LRRTM4: variants seen among roughly 807,000 people sequenced by gnomAD.
LRRTM4 encodes leucine-rich repeat transmembrane neuronal protein 4.
In LRRTM4, 25 loss-of-function variants were observed where a neutral mutation model predicts 47.6. The ratio of observed to expected loss-of-function variants is 0.53; its 90% CI spans 0.38 to 0.73. LRRTM4 has a LOEUF of 0.73. LRRTM4 is among the 30% of genes least tolerant of loss of function. The pLI, the probability that LRRTM4 is intolerant of heterozygous loss-of-function variation, is 0.00. For missense variants in LRRTM4, 638 were observed against 713.4 expected, an observed-to-expected ratio of 0.89 and a Z score of 1.20; for synonymous variants, 311 against 269.5, an observed-to-expected ratio of 1.15 and a Z score of -1.51.
intron 3 of LRRTM4, among the ~76,000 whole-genome samples, chr2:76,751,344 CTT>C (rs899212329): frequency 6.6e-6 from 1 of 151,024 alleles, no homozygotes; most frequent in African/African-American, 2.4e-5. Flanking sequence ...TTCAGGAAGT[CTT>C]TTACAAAATA....
chr2:77,307,383 T>C (rs1297200203), intron 3 of LRRTM4, among the ~76,000 whole-genome samples: 1 of 151,264 alleles, frequency 6.6e-6, no homozygotes, highest in Non-Finnish European at 1.5e-5. Context: ...CACACATTCA[T>C]TAAGAAACAT....
At chr2:76,863,173 A>C (rs1012438790) in intron 3 of LRRTM4, among the ~76,000 whole-genome samples, 1 of 152,140 alleles carries the variant, frequency 6.6e-6, no homozygotes, top group Non-Finnish European at 1.5e-5. Flanking sequence ...AATTTTACGG[A>C]GAGAGAAAAA....
Position 77,227,920 on chromosome 2 carries a change from A to G in LRRTM4, c.1551+290398T>C, listed in dbSNP as rs369204561. On this transcript the variant is annotated intron_variant, in intron 3 of 3. Transcript: ENST00000409884. The stretch of plus-strand genomic sequence containing the variant: ...ATTTTTTCTTACAAAATGAGATATC[A>G]TAAGACTAGTTTGTTCCTTCTTACT... Among the ~76,000 whole-genome samples the G allele has an allele frequency of 3.3e-5, 5 of 152,200 alleles. No homozygotes were observed. The South Asian group carries it at 8.3e-4, about 25-fold the overall frequency.
In LRRTM4 at chr2:77,181,535, T is replaced by C. The variant is rs140729854; in HGVS notation, c.1551+336783A>G. 1.9e-3 allele frequency among the ~76,000 whole-genome samples: 284 copies of C among 152,106 alleles called. 2 individuals are homozygous for C. The highest frequency in any genetic ancestry group is 2.5e-3 in the Non-Finnish European group (169 of 67,972). ...TCCTGCCAATACAACAAAAAAGGAA[T>C]ACAAGATTTTAGGTATAAAAGTAAA... On this transcript the variant is annotated intron_variant, in intron 3 of 3. Coordinates refer to ENST00000409884, the MANE Select transcript of LRRTM4 (RefSeq NM_001134745.3).
chr2:77,264,404 TC>T (rs1482156096), intron 3 of LRRTM4, among the ~76,000 whole-genome samples: 1 of 152,074 alleles, frequency 6.6e-6, no homozygotes, highest in Non-Finnish European at 1.5e-5. Flanking sequence ...AATTACCCTA[TC>T]AGATCCATAC....
intron 3 of LRRTM4, among the ~76,000 whole-genome samples, chr2:76,939,063 G>C (rs571425712): frequency 2.0e-5 from 3 of 152,044 alleles, no homozygotes; most frequent in East Asian, 3.9e-4. Context: ...CTACTTTCTA[G>C]ATAAATATTC....
intron 3 of LRRTM4, among the ~76,000 whole-genome samples, chr2:76,793,344 G>A (rs549914033): frequency 6.6e-6 from 1 of 152,266 alleles, no homozygotes; most frequent in South Asian, 2.1e-4. Flanking sequence ...GAGTTGAGTA[G>A]ATGGGACATA....
chr2:76,811,311 C>T (rs747844273), intron 3 of LRRTM4, among the ~76,000 whole-genome samples: 5 of 152,126 alleles, frequency 3.3e-5, no homozygotes, highest in Non-Finnish European at 7.4e-5. Context: ...AGGTCTTTTG[C>T]CTTTGTATTT....
intron 3 of LRRTM4, among the ~76,000 whole-genome samples, chr2:76,984,500 T>G (rs1676727105): frequency 6.6e-6 from 1 of 151,954 alleles, no homozygotes; most frequent in African/African-American, 2.4e-5. Context: ...CATGTAACAT[T>G]TGGCCTATGG....
At chr2:77,224,490 C>A (rs1674743021) in intron 3 of LRRTM4, among the ~76,000 whole-genome samples, 1 of 152,246 alleles carries the variant, frequency 6.6e-6, no homozygotes, top group African/African-American at 2.4e-5. Context: ...CCAGAATCTA[C>A]AATGAACTCA....
chr2:77,241,028 A>G (rs1675245237), intron 3 of LRRTM4, among the ~76,000 whole-genome samples: 1 of 152,062 alleles, frequency 6.6e-6, no homozygotes, highest in Admixed American at 6.6e-5. Flanking sequence ...ATCATATTAG[A>G]ATTTTTAAAA....
chr2:76,835,435 A>G (rs926470259), intron 3 of LRRTM4, among the ~76,000 whole-genome samples: 1 of 152,166 alleles, frequency 6.6e-6, no homozygotes, highest in Non-Finnish European at 1.5e-5. Context: ...AGAGTAATAC[A>G]TGTGACTTAT....
chr2:76,823,972 A>G (rs1671124249), intron 3 of LRRTM4, among the ~76,000 whole-genome samples: 1 of 148,908 alleles, frequency 6.7e-6, no homozygotes, highest in Non-Finnish European at 1.5e-5. Context: ...TTTAACCCAT[A>G]CAGAAAGGCT....
chr2:76,772,087 G>A (rs146995360), intron 3 of LRRTM4, among the ~76,000 whole-genome samples: 121 of 152,238 alleles, frequency 7.9e-4, no homozygotes, highest in Non-Finnish European at 1.4e-3. Flanking sequence ...CACCCAATTC[G>A]ATGGTATTAA....
At chr2:76,943,697 C>G (rs543602769) in intron 3 of LRRTM4, among the ~76,000 whole-genome samples, 1 of 152,270 alleles carries the variant, frequency 6.6e-6, no homozygotes, top group South Asian at 2.1e-4. Context: ...GAGTCTAAAC[C>G]TCAGAACAAC....
At chr2:76,968,312 A>C (rs1676095166) in intron 3 of LRRTM4, among the ~76,000 whole-genome samples, 1 of 143,132 alleles carries the variant, frequency 7.0e-6, no homozygotes, top group African/African-American at 2.5e-5. Flanking sequence ...AGGGTTGGTA[A>C]AATGTAAATA....
In LRRTM4 at chr2:77,069,401, A is replaced by ATGTGTGTGTGTG. The variant is rs3058064; in HGVS notation, c.1552-320497_1552-320486dup. 5.3e-3 allele frequency among the ~76,000 whole-genome samples: 753 copies of ATGTGTGTGTGTG among 141,534 alleles called. 2 individuals are homozygous for ATGTGTGTGTGTG. Among genetic ancestry groups the ATGTGTGTGTGTG allele is most frequent in the Middle Eastern group, 0.026 (7 of 272 alleles). 92.9% of individuals were successfully genotyped at this position (141,534 alleles called of 152,430 possible). On this transcript the variant is annotated intron_variant, in intron 3 of 3. Coordinates refer to ENST00000409884, the MANE Select transcript of LRRTM4 (RefSeq NM_001134745.3). The stretch of plus-strand genomic sequence containing the variant: ...GTCATATGGAACTCTACATTTCACT[A>ATGTGTGTGTGTG]TGTGTGTGTGTGTGTGTGTGTGTGT...
At position 77,189,711 on chromosome 2, in the gene LRRTM4, G is replaced by C. The variant is rs536449824; in HGVS notation, c.1551+328607C>G. 2.2e-3 allele frequency among the ~76,000 whole-genome samples: 327 copies of C among 151,930 alleles called. 2 individuals carry two copies. Among genetic ancestry groups the C allele is most frequent in the African/African-American group, 7.5e-3 (309 of 41,416 alleles). On this transcript the variant is annotated intron_variant, in intron 3 of 3. Transcript: ENST00000409884. ...TTAAGTCACTAGTCTATGCTAATTT[G>C]TTATAGAAGCCTGAACTTACTTTAT...
chr2:77,331,136 G>A (rs975760295), intron 3 of LRRTM4, among the ~76,000 whole-genome samples: 1 of 152,058 alleles, frequency 6.6e-6, no homozygotes, highest in Non-Finnish European at 1.5e-5. Flanking sequence ...TAACTCAGGA[G>A]ACAATATTCT....
Sources: allele counts gnomAD v4.1 joint callset (sites outside exome capture counted in the v4.1 genomes callset), GRCh38; gene constraint gnomAD v4.1.1; transcripts MANE v1.5; gene names NCBI Gene and HGNC (gene_info 2026-07-23, HGNC 2026-07-21).